The following ETFA variants were observed in gnomAD, a reference collection of about 807,000 sequenced individuals.
The protein encoded by ETFA is electron transfer flavoprotein subunit alpha, mitochondrial.
Under a neutral mutation model 46.2 loss-of-function variants are expected in ETFA, and 22 were observed. That is an observed-to-expected ratio of 0.48 (90% CI 0.34 to 0.68). The LOEUF (loss-of-function observed/expected upper bound fraction) is 0.68, where lower values mean the gene tolerates loss of function less well. Ranked by LOEUF, ETFA falls within the 30% of genes least tolerant of loss-of-function variation. The pLI, the probability that ETFA is intolerant of heterozygous loss-of-function variation, is 0.01. For missense variants in ETFA, 345 were observed against 401.1 expected (o/e 0.86, Z 1.19); for synonymous variants, 131 against 139.9 (o/e 0.94, Z 0.45).
At position 76,220,329 on chromosome 15, in the gene ETFA, G is replaced by A. The variant is rs911764741; in HGVS notation, c.964-3732C>T. Among the ~76,000 whole-genome samples the A allele has an allele frequency of 2.6e-5, 4 of 152,252 alleles. No individual in the cohort carries two copies. The East Asian group carries it at 7.7e-4, about 29-fold the overall frequency. On this transcript the variant is annotated intron_variant, in intron 11 of 11. Transcript: ENST00000557943. ...GTGATCCACCCACCTTGGCCTCCCA[G>A]TGCTGGGATTACAGGTGTGAGTCAC...
At chr15:76,272,035 G>T (rs377762577) in intron 9 of ETFA, among the ~76,000 whole-genome samples, 2 of 151,532 alleles carry the variant, frequency 1.3e-5, no homozygotes, top group Non-Finnish European at 2.9e-5. Context: ...AAAAAATTTC[G>T]ATGGTTCTAT....
At chr15:76,239,086 A>T (rs1209305178) in intron 9 of ETFA, among the ~76,000 whole-genome samples, 1 of 152,196 alleles carries the variant, frequency 6.6e-6, no homozygotes, top group Non-Finnish European at 1.5e-5. Context: ...TTACGCCAGT[A>T]ACTATGCTGT....
chr15:76,283,540 G>A (rs1268217590), intron 8 of ETFA, among the ~76,000 whole-genome samples: 2 of 152,078 alleles, frequency 1.3e-5, no homozygotes, highest in East Asian at 1.9e-4. Context: ...ACTAAGATTA[G>A]GCAAAGGTAA....
intron 1 of ETFA, among the ~76,000 whole-genome samples, chr15:76,304,693 T>C (rs1203708614): frequency 7.4e-6 from 1 of 135,474 alleles, no homozygotes; most frequent in Non-Finnish European, 1.6e-5. Flanking sequence ...GGGGAAAAAA[T>C]ACAGCAATGA....
intron 9 of ETFA, among the ~76,000 whole-genome samples, chr15:76,235,029 C>T (rs1258119559): frequency 3.9e-5 from 6 of 152,122 alleles, no homozygotes; most frequent in African/African-American, 1.4e-4. Context: ...GGCTCTGTAG[C>T]CTCATTGCCT....
At position 76,280,973 on chromosome 15, in the gene ETFA, T is replaced by C. The variant is rs12595351; in HGVS notation, c.733+2784A>G. On this transcript the variant is annotated intron_variant, in intron 8 of 11. Transcript: ENST00000557943. ...CTCTGTCACCCAGGCCGGAGTACAG[T>C]GGCACAATCTTAGCTCACTGCAACC... 2.1e-4 allele frequency among the ~76,000 whole-genome samples: 29 copies of C among 140,620 alleles called. No homozygotes were observed. In the South Asian group the frequency reaches 4.6e-3, roughly 22 times the overall value. The allele number at this position is 140,620 out of a possible 152,430, so 92.3% of individuals were successfully genotyped here. A position where few individuals can be genotyped will look rare whatever the true frequency, so the allele number is the denominator to read the frequency against.
chr15:76,231,034 C>A, intron 10 of ETFA: 1 of 316,052 alleles, frequency 3.2e-6, no homozygotes, highest in Non-Finnish European at 5.9e-6. Context: ...TAGTGATCAT[C>A]ATTCAATACC....
chr15:76,288,295 AG>A (rs1403199857), intron 4 of ETFA, among the ~76,000 whole-genome samples: 1 of 152,236 alleles, frequency 6.6e-6, no homozygotes, highest in African/African-American at 2.4e-5. Flanking sequence ...GAACAAATTT[AG>A]AAGGGTGGTA....
chr15:76,285,872 A>C, intron 6 of ETFA, 134 bp from the exon 7 acceptor site: 1 of 680,236 alleles, frequency 1.5e-6, no homozygotes, highest in Non-Finnish European at 2.6e-6. Context: ...CAGTGCTCCT[A>C]ATTAATTCTC....
intron 1 of ETFA, among the ~76,000 whole-genome samples, chr15:76,299,776 C>A (rs538296865): frequency 6.6e-6 from 1 of 152,284 alleles, no homozygotes; most frequent in South Asian, 2.1e-4. Flanking sequence ...GCTGTGGATC[C>A]TTTCTCCTGG....
chr15:76,306,787 T>G (rs1360474236), intron 1 of ETFA, among the ~76,000 whole-genome samples: 1 of 152,226 alleles, frequency 6.6e-6, no homozygotes, highest in Non-Finnish European at 1.5e-5. Flanking sequence ...TTATATGACA[T>G]TGACTGTAAT....
At chr15:76,310,755 C>T (rs575287252) in intron 1 of ETFA, among the ~76,000 whole-genome samples, 87 of 152,326 alleles carry the variant, frequency 5.7e-4, no homozygotes, top group Middle Eastern at 3.4e-3. Context: ...AATCGGATCG[C>T]AGGTTTTACA....
chr15:76,295,936 C>CTTTTTTTTTTTTTTTTGTTTTTTTTT (rs2039816940), intron 1 of ETFA, among the ~76,000 whole-genome samples, 199 bp from the exon 2 acceptor site: 1 of 46,602 alleles, frequency 2.1e-5, no homozygotes, highest in African/African-American at 6.7e-5. Flanking sequence ...CACTAATATT[C>CTTTTTTTTTTTTTTTTGTTTTTTTTT]TTTTTTTTTT....
chr15:76,243,619 C>T (rs910942918), intron 9 of ETFA, among the ~76,000 whole-genome samples: 4 of 151,704 alleles, frequency 2.6e-5, no homozygotes, highest in Admixed American at 1.3e-4. Flanking sequence ...GCCAACGTGG[C>T]GAAACCCCGC....
chr15:76,236,705 G>A (rs977760587), intron 9 of ETFA, among the ~76,000 whole-genome samples: 1 of 152,164 alleles, frequency 6.6e-6, no homozygotes, highest in Non-Finnish European at 1.5e-5. Context: ...AGCCAATATA[G>A]AGAGTCACAA....
chr15:76,235,289 G>A (rs8033494), intron 9 of ETFA, among the ~76,000 whole-genome samples: 43,412 of 152,018 alleles, frequency 0.29, 6,619 homozygotes, highest in East Asian at 0.56. Flanking sequence ...GGGCTCCTGA[G>A]GTAGCCTCAG....
At chr15:76,298,615 G>A (rs982070232) in intron 1 of ETFA, among the ~76,000 whole-genome samples, 3 of 152,192 alleles carry the variant, frequency 2.0e-5, no homozygotes, top group African/African-American at 7.2e-5. Flanking sequence ...GAGCTTAGCA[G>A]CTACACAGGT....
chr15:76,279,966 A>C (rs961495790), intron 8 of ETFA, among the ~76,000 whole-genome samples: 1 of 151,372 alleles, frequency 6.6e-6, no homozygotes, highest in Non-Finnish European at 1.5e-5. Flanking sequence ...AGGCACAATC[A>C]TAACACAATA....
At chr15:76,258,924 T>C (rs2039373863) in intron 9 of ETFA, 2 of 1,153,182 alleles carry the variant, frequency 1.7e-6, no homozygotes, top group Non-Finnish European at 2.6e-6. Flanking sequence ...GACAGGGCTT[T>C]GTCAGCCAGC....
Sources: gnomAD v4.1 joint callset for allele counts (sites outside exome capture counted in the v4.1 genomes callset) on GRCh38, gnomAD v4.1.1 for gene constraint, MANE v1.5 for transcripts, NCBI Gene and HGNC (gene_info 2026-07-23, HGNC 2026-07-21) for gene names.